Variants in RNF150 observed in about 807,000 individuals in gnomAD.
The protein encoded by RNF150 is ring finger protein 150.
RNF150 carries 24 observed loss-of-function variants against 39.3 expected under a neutral mutation model. That is an observed-to-expected ratio of 0.61 (90% CI 0.44 to 0.86). The LOEUF (loss-of-function observed/expected upper bound fraction) is 0.86, where lower values mean the gene tolerates loss of function less well. Ranked by LOEUF, RNF150 falls within the 40% of genes least tolerant of loss-of-function variation. RNF150 has a pLI of 0.00. For synonymous variants in RNF150, 255 were observed against 227.3 expected (o/e 1.12, Z -1.10); for missense variants, 502 against 587.8 (o/e 0.85, Z 1.51).
intron 1 of RNF150, among the ~76,000 whole-genome samples, chr4:140,996,606 T>C (rs1030247283): frequency 6.6e-6 from 1 of 152,202 alleles, no homozygotes; most frequent in Non-Finnish European, 1.5e-5. Flanking sequence ...AAAATATAGA[T>C]GTAAATGTGC....
rs147711519 is a variant in RNF150, at chr4:141,039,189, C to T, written c.485-71316G>A. Among the ~76,000 whole-genome samples, 770 of 152,214 alleles carry T rather than the reference C, an allele frequency of 5.1e-3. 25 individuals are homozygous for T. Among genetic ancestry groups the T allele is most frequent in the Admixed American group, 0.044 (666 of 15,274 alleles). ...TATTATAAGAGGGCATAAGAATTTACGAGCCTCTTTCATGAAAAGTAGGTG... is the reference window on the plus strand; with the variant it reads ...TATTATAAGAGGGCATAAGAATTTATGAGCCTCTTTCATGAAAAGTAGGTG... On this transcript the variant is annotated intron_variant, in intron 1 of 6. Transcript: ENST00000515673.
intron 5 of RNF150, among the ~76,000 whole-genome samples, chr4:140,921,689 C>A (rs1381516921): frequency 6.6e-6 from 1 of 152,168 alleles, no homozygotes; most frequent in African/African-American, 2.4e-5. Context: ...AGACCAATAT[C>A]CTTGATGAAC....
intron 1 of RNF150, among the ~76,000 whole-genome samples, chr4:141,095,551 G>A (rs1020924382): frequency 3.1e-4 from 47 of 152,128 alleles, no homozygotes; most frequent in African/African-American, 1.1e-3. Flanking sequence ...ATAATTCTAA[G>A]GGAAAAATCA....
At chr4:141,084,373 CT>C (rs892014881) in intron 1 of RNF150, among the ~76,000 whole-genome samples, 2 of 152,038 alleles carry the variant, frequency 1.3e-5, no homozygotes, top group African/African-American at 2.4e-5. Context: ...GAGTTTTACC[CT>C]TTTTAAAAGA....
intron 1 of RNF150, among the ~76,000 whole-genome samples, chr4:141,062,659 T>G (rs1737282674): frequency 6.6e-6 from 1 of 152,202 alleles, no homozygotes; most frequent in South Asian, 2.1e-4. Context: ...CACATTATCT[T>G]ATATTCTTAA....
At chr4:140,899,016 G>A (rs1048595074) in intron 6 of RNF150, among the ~76,000 whole-genome samples, 1 of 152,176 alleles carries the variant, frequency 6.6e-6, no homozygotes, top group Non-Finnish European at 1.5e-5. Flanking sequence ...CATTAGATAC[G>A]AGACAGTGTG....
At chr4:141,078,926 CAT>C (rs141630381) in intron 1 of RNF150, among the ~76,000 whole-genome samples, 4,146 of 143,882 alleles carry the variant, frequency 0.029, 208 homozygotes, top group African/African-American at 0.1. Flanking sequence ...CATATATATA[CAT>C]ATATATACAC....
At chr4:141,165,285 C>A (rs1392648609) in intron 1 of RNF150, among the ~76,000 whole-genome samples, 1 of 152,134 alleles carries the variant, frequency 6.6e-6, no homozygotes, top group Non-Finnish European at 1.5e-5. Flanking sequence ...CAGGAGCACC[C>A]AGATTCATAA....
At chr4:141,171,661 C>T (rs1727727133) in intron 1 of RNF150, among the ~76,000 whole-genome samples, 1 of 152,204 alleles carries the variant, frequency 6.6e-6, no homozygotes, top group Non-Finnish European at 1.5e-5. Context: ...GAATGTACTA[C>T]AATGTATCCA....
At chr4:141,155,457 A>G (rs114786631) in intron 1 of RNF150, among the ~76,000 whole-genome samples, 2,249 of 152,162 alleles carry the variant, frequency 0.015, 58 homozygotes, top group African/African-American at 0.051. Flanking sequence ...ACAGGCCGAG[A>G]AGCATAGATT....
At chr4:141,059,138 C>A (rs1737110720) in intron 1 of RNF150, among the ~76,000 whole-genome samples, 1 of 152,190 alleles carries the variant, frequency 6.6e-6, no homozygotes, top group Non-Finnish European at 1.5e-5. Context: ...CATCCATGAT[C>A]TTTCTCCAAA....
intron 5 of RNF150, among the ~76,000 whole-genome samples, chr4:140,925,771 A>C (rs1731375797): frequency 6.6e-6 from 1 of 152,172 alleles, no homozygotes; most frequent in Non-Finnish European, 1.5e-5. Flanking sequence ...TATAATGGAC[A>C]TGGTGAAAGG....
chr4:141,210,199 T>G lies in RNF150; in HGVS notation c.-6+2595A>C, dbSNP rs137911973. Reference sequence around the variant, plus strand: ...ATCTTTTATTGTGATCTCTCATGCTTGGCTGGTTTTAATCTGTGGACACTC... The same window carrying G: ...ATCTTTTATTGTGATCTCTCATGCTGGGCTGGTTTTAATCTGTGGACACTC... On this transcript the variant is annotated intron_variant, in intron 1 of 7. Coordinates refer to the RNF150 transcript ENST00000420921. 5.4e-3 allele frequency among the ~76,000 whole-genome samples: 827 copies of G among 152,284 alleles called. 3 individuals carry two copies. Among genetic ancestry groups the G allele is most frequent in the African/African-American group, 0.019 (773 of 41,548 alleles).
intron 4 of RNF150, among the ~76,000 whole-genome samples, chr4:140,945,293 G>A (rs1438970669): frequency 2.0e-5 from 3 of 151,202 alleles, no homozygotes; most frequent in Admixed American, 6.6e-5. Flanking sequence ...ACATTAAAAT[G>A]CTATTTTTTT....
upstream of RNF150, among the ~76,000 whole-genome samples, chr4:141,137,433 A>C (rs551086560): frequency 2.0e-5 from 3 of 152,218 alleles, no homozygotes; most frequent in South Asian, 6.2e-4. Context: ...ATATGTTTTG[A>C]AGGTGGGATA....
At chr4:140,947,503 A>C (rs1263992038) in intron 4 of RNF150, 151 bp downstream of exon 4, 4 of 660,892 alleles carry the variant, frequency 6.1e-6, no homozygotes, top group African/African-American at 1.9e-5. Flanking sequence ...ATACAAAAAC[A>C]AGAATGTTAG....
At chr4:140,947,387 T>G (rs1401036662) in intron 4 of RNF150, among the ~76,000 whole-genome samples, 2 of 152,208 alleles carry the variant, frequency 1.3e-5, no homozygotes, top group African/African-American at 2.4e-5. Flanking sequence ...ATCATCAAAT[T>G]CTGTCTCATG....
Position 140,926,029 on chromosome 4 carries a change from T to C in RNF150, c.935A>G (p.His312Arg), listed in dbSNP as rs745948825. Residue 312 changes from histidine to arginine, a missense_variant, in exon 5 of 7, where the codon CAT becomes CGT. Transcript: ENST00000515673. ...CATCTTGCACATGGGACAGGTACGA[T>C]GGTCTAGAAGCCAGGGGTCAACACA... ...KSCVDPWLLD[H>R]RTCPMCKMNI... 1.9e-6 allele frequency: 3 copies of C among 1,614,132 alleles called. No homozygotes were observed. The highest frequency in any genetic ancestry group is 2.5e-6 in the Non-Finnish European group (3 of 1,179,978).
At chr4:141,031,952 AG>A (rs2110827447) in intron 1 of RNF150, among the ~76,000 whole-genome samples, 1 of 152,180 alleles carries the variant, frequency 6.6e-6, no homozygotes, top group Non-Finnish European at 1.5e-5. Flanking sequence ...ACAATAGTCA[AG>A]ATATAAAATT....
Sources: gnomAD v4.1 joint callset for allele counts (sites outside exome capture counted in the v4.1 genomes callset) on GRCh38, gnomAD v4.1.1 for gene constraint, MANE v1.5 for transcripts, NCBI Gene and HGNC (gene_info 2026-07-23, HGNC 2026-07-21) for gene names.